CACNA1C: variants seen among roughly 807,000 people sequenced by gnomAD.
The protein encoded by CACNA1C is voltage-dependent L-type calcium channel subunit alpha-1C.
Under a neutral mutation model 229.0 loss-of-function variants are expected in CACNA1C, and 30 were observed. The ratio of observed to expected loss-of-function variants is 0.13; its 90% confidence interval spans 0.10 to 0.18. The LOEUF (loss-of-function observed/expected upper bound fraction) is 0.18, where lower values mean the gene tolerates loss of function less well. Ranked by LOEUF, CACNA1C falls within the 10% of genes least tolerant of loss-of-function variation. CACNA1C has a pLI of 1.00. For missense variants in CACNA1C, 1,658 were observed against 2,845.0 expected (o/e 0.58, Z 9.49); for synonymous variants, 1,114 against 1,132.5 (o/e 0.98, Z 0.33).
chr12:2,093,132 T>G (rs1364700521), intron 1 of CACNA1C, among the ~76,000 whole-genome samples: 1 of 152,212 alleles, frequency 6.6e-6, no homozygotes, highest in Non-Finnish European at 1.5e-5. Context: ...CAGGCCCAAA[T>G]TTAGTTACAG....
At chr12:2,349,499 C>T (rs972038355) in intron 3 of CACNA1C, among the ~76,000 whole-genome samples, 14 of 152,092 alleles carry the variant, frequency 9.2e-5, no homozygotes, top group Non-Finnish European at 1.8e-4. Flanking sequence ...AGCCTGGGGG[C>T]ATTTTGAGTA....
chr12:2,518,780 C>G (rs1240581271), intron 9 of CACNA1C, among the ~76,000 whole-genome samples: 1 of 152,144 alleles, frequency 6.6e-6, no homozygotes, highest in Non-Finnish European at 1.5e-5. Context: ...CTGTTCATAC[C>G]TTGCACTGTT....
intron 13 of CACNA1C, among the ~76,000 whole-genome samples, chr12:2,572,615 TTCC>T (rs1408995853): frequency 3.0e-5 from 2 of 67,348 alleles, no homozygotes; most frequent in Non-Finnish European, 6.1e-5. Flanking sequence ...CCTTCTCCTC[TTCC>T]TCCTCCTCCT....
chr12:2,265,065 C>T (rs1049642597), intron 3 of CACNA1C, among the ~76,000 whole-genome samples: 1 of 152,214 alleles, frequency 6.6e-6, no homozygotes, highest in African/African-American at 2.4e-5. Flanking sequence ...GTCATTCCTA[C>T]CCTCAAGTGA....
At chr12:2,114,379 C>CT (rs980240527) in intron 1 of CACNA1C, among the ~76,000 whole-genome samples, 159 of 151,430 alleles carry the variant, frequency 1.0e-3, no homozygotes, top group Middle Eastern at 6.8e-3. Flanking sequence ...TGCAACGTGG[C>CT]TTTTTTTTTA....
chr12:2,161,546 T>C (rs922067045), intron 3 of CACNA1C, among the ~76,000 whole-genome samples: 2 of 152,264 alleles, frequency 1.3e-5, no homozygotes, highest in East Asian at 1.9e-4. Flanking sequence ...CGGAGATAAA[T>C]GCTTCGGCAA....
chr12:2,057,716 G>A lies in CACNA1C; in HGVS notation c.49+4105G>A, dbSNP rs546816668. ...TCCCTTCCAGCACAGACAGCATCCC[G>A]CCGAGCCTGGAGGAAGCCTTTTGGG... On this transcript the variant is annotated intron_variant, in intron 1 of 46. Transcript: ENST00000399655. Among the ~76,000 whole-genome samples the A allele has an allele frequency of 3.9e-5, 6 of 152,280 alleles. No homozygotes were observed. In the South Asian group the frequency reaches 6.2e-4, roughly 16 times the overall value.
At chr12:2,471,447 C>A (rs2099591881) in intron 5 of CACNA1C, among the ~76,000 whole-genome samples, 1 of 152,174 alleles carries the variant, frequency 6.6e-6, no homozygotes, top group Non-Finnish European at 1.5e-5. Flanking sequence ...ATCCAAGTTC[C>A]CTTCTGGTAT....
chr12:2,534,598 C>T (rs769990285), intron 9 of CACNA1C, among the ~76,000 whole-genome samples: 30 of 152,198 alleles, frequency 2.0e-4, no homozygotes, highest in Admixed American at 8.5e-4. Flanking sequence ...TCACCTCCCC[C>T]ACCCCTGCAG....
intron 8 of CACNA1C, among the ~76,000 whole-genome samples, chr12:2,508,036 C>T (rs187402269): frequency 1.1e-3 from 171 of 152,350 alleles, no homozygotes; most frequent in Non-Finnish European, 2.1e-3. Flanking sequence ...CAGGAAGCTG[C>T]GAAGGCAACC....
At chr12:2,001,223 T>C (rs929479179) in intron 1 of CACNA1C, among the ~76,000 whole-genome samples, 2 of 152,152 alleles carry the variant, frequency 1.3e-5, no homozygotes, top group African/African-American at 4.8e-5. Flanking sequence ...AACCAGATTT[T>C]TTTTTTCTTT....
At chr12:2,616,037 A>G (rs2080364911) in intron 29 of CACNA1C, among the ~76,000 whole-genome samples, 2 of 152,172 alleles carry the variant, frequency 1.3e-5, no homozygotes, top group African/African-American at 4.8e-5. Context: ...GGGAGTAGCC[A>G]GTGATCACCT....
intron 3 of CACNA1C, among the ~76,000 whole-genome samples, chr12:2,360,651 G>A (rs1371030959): frequency 6.6e-6 from 1 of 152,162 alleles, no homozygotes; most frequent in Admixed American, 6.5e-5. Context: ...GCTTGAGCAG[G>A]TCATTTTACC....
At chr12:2,135,699 G>A (rs1249090731) in intron 3 of CACNA1C, among the ~76,000 whole-genome samples, 1 of 145,564 alleles carries the variant, frequency 6.9e-6, no homozygotes, top group Non-Finnish European at 1.5e-5. Flanking sequence ...GAGAACCACT[G>A]CTCTCTTCAA....
chr12:2,046,821 G>T (rs1478126475), intron 1 of CACNA1C, among the ~76,000 whole-genome samples: 1 of 152,114 alleles, frequency 6.6e-6, no homozygotes, highest in Non-Finnish European at 1.5e-5. Flanking sequence ...GGTTAGGTGG[G>T]ATCTGGTCCA....
At chr12:2,435,763 TA>T (rs1321457052) in intron 3 of CACNA1C, among the ~76,000 whole-genome samples, 1 of 152,202 alleles carries the variant, frequency 6.6e-6, no homozygotes. Context: ...TGCCCGGCAC[TA>T]TACAATGCAC....
At chr12:2,318,050 AGGACATTT>A (rs2154492684) in intron 3 of CACNA1C, among the ~76,000 whole-genome samples, 1 of 152,344 alleles carries the variant, frequency 6.6e-6, no homozygotes, top group East Asian at 1.9e-4. Context: ...CCGAGGGTCC[AGGACATTT>A]GAAGGGTGGT....
chr12:2,341,023 C>T (rs1248746418), intron 3 of CACNA1C, among the ~76,000 whole-genome samples: 1 of 152,146 alleles, frequency 6.6e-6, no homozygotes, highest in Non-Finnish European at 1.5e-5. Flanking sequence ...GCACCTTCAA[C>T]ACTCCCTAGG....
chr12:2,521,511 G>A (rs1294801573), intron 9 of CACNA1C, among the ~76,000 whole-genome samples: 1 of 152,170 alleles, frequency 6.6e-6, no homozygotes, highest in African/African-American at 2.4e-5. Context: ...TCCAGGGCCT[G>A]GAGGACAGCA....
Sources: gnomAD v4.1 joint callset for allele counts (sites outside exome capture counted in the v4.1 genomes callset) on GRCh38, gnomAD v4.1.1 for gene constraint, MANE v1.5 for transcripts, NCBI Gene and HGNC (gene_info 2026-07-23, HGNC 2026-07-21) for gene names.